The following RUNX2 variants were observed in gnomAD, a reference collection of about 807,000 sequenced individuals.
RUNX2 encodes RUNX family transcription factor 2, also known as runt-related transcription factor 2.
A neutral mutation model predicts 51.7 loss-of-function variants in RUNX2; 10 were observed. That is an observed-to-expected ratio of 0.19 (90% CI 0.12 to 0.33). RUNX2 has a LOEUF of 0.33. Ranked by LOEUF, RUNX2 falls within the 10% of genes least tolerant of loss-of-function variation. The pLI, the probability that RUNX2 is intolerant of heterozygous loss-of-function variation, is 1.00. For missense variants in RUNX2, 562 were observed against 691.3 expected, an observed-to-expected ratio of 0.81 and a Z score of 2.10; for synonymous variants, 276 against 273.6, an observed-to-expected ratio of 1.01 and a Z score of -0.09.
intron 2 of RUNX2, among the ~76,000 whole-genome samples, chr6:45,390,005 C>CA (rs5875920): frequency 2.3e-4 from 33 of 144,220 alleles, no homozygotes; most frequent in Non-Finnish European, 3.0e-4. Flanking sequence ...GACTCTGTCT[C>CA]AAAAAAAAAA....
intron 2 of RUNX2, among the ~76,000 whole-genome samples, chr6:45,402,831 C>T (rs1797742877): frequency 6.6e-6 from 1 of 152,164 alleles, no homozygotes; most frequent in Admixed American, 6.5e-5. Context: ...ATTCATCATG[C>T]CACTACATTC....
chr6:45,398,238 A>G (rs996445414), intron 2 of RUNX2, among the ~76,000 whole-genome samples: 4 of 152,154 alleles, frequency 2.6e-5, no homozygotes, highest in African/African-American at 9.7e-5. Context: ...CTTGCTGCCT[A>G]GAGTTGTAGT....
chr6:45,444,567 CCTTAGTATCCTGCTTCACTCAG>C (rs1268592024), intron 5 of RUNX2, among the ~76,000 whole-genome samples: 1 of 152,198 alleles, frequency 6.6e-6, no homozygotes, highest in Non-Finnish European at 1.5e-5. Context: ...TCTAGGCTTG[CCTTAGTATCCTGCTTCACTCAG>C]CTTGTTAGGC....
In RUNX2 at chr6:45,518,266, A is replaced by G. The variant is rs570848049; in HGVS notation, c.1021+5859A>G. Among the ~76,000 whole-genome samples, 9 of 150,094 alleles carry G rather than the reference A, an allele frequency of 6.0e-5. No homozygotes were observed. The South Asian group carries it at 1.0e-3, about 17-fold the overall frequency. On this transcript the variant is annotated intron_variant, in intron 7 of 8. Transcript: ENST00000647337. ...CAGAGTGGGGAAGTTATTAAATTTT[A>G]TGGACCCTAAACAAAGGCAAGCCCT...
rs1193525748 is a variant in RUNX2 at position 45,550,312 on chromosome 6, TTAAC to T, written c.*3010_*3013del. ...GCCCAGAACTGAGAAACTCAACAGA[TTAAC>T]TATCGTTTGCTCTTTAGACGGTCTC... On this transcript the variant is annotated 3_prime_UTR_variant, in exon 9 of 9. Coordinates refer to ENST00000647337, the MANE Select transcript of RUNX2 (RefSeq NM_001024630.4). 3 of 152,268 alleles carry T rather than the reference TTAAC, an allele frequency of 2.0e-5. No individual in the cohort carries two copies. The highest frequency in any genetic ancestry group is 4.4e-5 in the Non-Finnish European group (3 of 68,040). The allele number at this position is 152,268 out of a possible 1,614,324, so 9.4% of individuals were successfully genotyped here. A position where few individuals can be genotyped will look rare whatever the true frequency, so the allele number is the denominator to read the frequency against.
intron 7 of RUNX2, among the ~76,000 whole-genome samples, chr6:45,517,871 G>A (rs574635978): frequency 6.6e-6 from 1 of 152,196 alleles, no homozygotes; most frequent in African/African-American, 2.4e-5. Flanking sequence ...AGAGTTTGAG[G>A]TTGTTCATTC....
chr6:45,511,967 G>A (rs766171356), intron 6 of RUNX2, among the ~76,000 whole-genome samples: 18 of 152,074 alleles, frequency 1.2e-4, no homozygotes, highest in Admixed American at 1.0e-3. Flanking sequence ...TTAGACTTTC[G>A]AAATTGAAAT....
At chr6:45,498,025 T>G (rs1187390214) in intron 6 of RUNX2, among the ~76,000 whole-genome samples, 1 of 152,180 alleles carries the variant, frequency 6.6e-6, no homozygotes, top group East Asian at 1.9e-4. Context: ...GAGGCATTCT[T>G]ATGGAAACTG....
intron 2 of RUNX2, among the ~76,000 whole-genome samples, chr6:45,368,172 T>C (rs1267346073): frequency 1.3e-5 from 2 of 152,162 alleles, no homozygotes; most frequent in East Asian, 1.9e-4. Context: ...CAATTGAAAA[T>C]GCATCTGTTT....
intron 5 of RUNX2, among the ~76,000 whole-genome samples, chr6:45,445,174 GCCA>G (rs1294801277): frequency 2.0e-5 from 3 of 152,052 alleles, no homozygotes; most frequent in Admixed American, 1.3e-4. Flanking sequence ...ACAAGTGTGT[GCCA>G]CCACACCTGG....
At chr6:45,489,518 G>A (rs1312131645) in intron 5 of RUNX2, among the ~76,000 whole-genome samples, 1 of 152,178 alleles carries the variant, frequency 6.6e-6, no homozygotes, top group Non-Finnish European at 1.5e-5. Context: ...CATGGCCCAC[G>A]TAAAGTCCTA....
intron 2 of RUNX2, among the ~76,000 whole-genome samples, chr6:45,356,398 CTTTTT>C (rs987451278): frequency 8.0e-5 from 12 of 150,604 alleles, no homozygotes; most frequent in Non-Finnish European, 3.0e-5. Context: ...ATTCTCATTT[CTTTTT>C]TTTTCTTTTT....
At chr6:45,462,296 C>T (rs1005915961) in intron 5 of RUNX2, among the ~76,000 whole-genome samples, 1 of 152,176 alleles carries the variant, frequency 6.6e-6, no homozygotes, top group Non-Finnish European at 1.5e-5. Flanking sequence ...AAGGGGGCGG[C>T]ATTGGTACTC....
intron 7 of RUNX2, among the ~76,000 whole-genome samples, chr6:45,516,001 C>T (rs890628565): frequency 2.0e-5 from 3 of 152,174 alleles, no homozygotes; most frequent in African/African-American, 7.2e-5. Context: ...TAAAGACCTT[C>T]AGAGAATCCA....
At chr6:45,524,731 G>A (rs1467963923) in intron 7 of RUNX2, among the ~76,000 whole-genome samples, 1 of 152,168 alleles carries the variant, frequency 6.6e-6, no homozygotes, top group African/African-American at 2.4e-5. Flanking sequence ...TCTGATAATA[G>A]CGTTATGGTA....
chr6:45,491,900 G>A, intron 5 of RUNX2, 41 bp from the exon 6 acceptor site: 6 of 1,598,560 alleles, frequency 3.8e-6, no homozygotes, highest in Non-Finnish European at 4.3e-6. Flanking sequence ...CAATTGTTCA[G>A]CTAATTAATA....
intron 6 of RUNX2, among the ~76,000 whole-genome samples, chr6:45,495,163 G>A (rs950776113): frequency 5.3e-5 from 8 of 152,202 alleles, no homozygotes; most frequent in Non-Finnish European, 1.2e-4. Context: ...AGGATACTGT[G>A]TATTCATCTT....
intron 7 of RUNX2, among the ~76,000 whole-genome samples, chr6:45,521,504 A>G (rs1305996268): frequency 6.6e-6 from 1 of 152,240 alleles, no homozygotes; most frequent in Admixed American, 6.5e-5. Flanking sequence ...TTTGATTTCC[A>G]CTTTAGAGTC....
intron 2 of RUNX2, among the ~76,000 whole-genome samples, chr6:45,352,059 C>T (rs1471746005): frequency 6.6e-6 from 1 of 152,126 alleles, no homozygotes; most frequent in Admixed American, 6.6e-5. Context: ...TTGCCTGCTT[C>T]CTTAAAATGA....
Sources: allele counts gnomAD v4.1 joint callset (sites outside exome capture counted in the v4.1 genomes callset), GRCh38; gene constraint gnomAD v4.1.1; transcripts MANE v1.5; gene names NCBI Gene and HGNC (gene_info 2026-07-23, HGNC 2026-07-21).